Variants in TMCC3 observed in about 807,000 individuals in gnomAD.
TMCC3 encodes the protein transmembrane and coiled-coil domain protein 3.
In TMCC3, 28 loss-of-function variants were observed where a neutral mutation model predicts 40.2. The observed-to-expected ratio is 0.70, with a 90% CI of 0.52 to 0.95. TMCC3 has a LOEUF of 0.95. Among genes scored for constraint, TMCC3 ranks in the 40% least tolerant of loss-of-function variants. TMCC3 has a pLI of 0.00. For synonymous variants in TMCC3, 255 were observed against 248.5 expected (o/e 1.03, Z -0.25); for missense variants, 554 against 615.2 (o/e 0.90, Z 1.05).
At chr12:94,635,973 A>C (rs2068958960) in intron 1 of TMCC3, among the ~76,000 whole-genome samples, 1 of 151,914 alleles carries the variant, frequency 6.6e-6, no homozygotes, top group Admixed American at 6.6e-5. Flanking sequence ...CTGGCCTCAA[A>C]ATGTTCATTT....
At chr12:94,624,415 A>G (rs2068891734) in intron 1 of TMCC3, among the ~76,000 whole-genome samples, 1 of 152,224 alleles carries the variant, frequency 6.6e-6, no homozygotes, top group Admixed American at 6.5e-5. Flanking sequence ...CATACAATGA[A>G]ATATTATTCA....
intron 3 of TMCC3, among the ~76,000 whole-genome samples, chr12:94,572,541 C>A (rs2068538818): frequency 6.6e-6 from 1 of 150,396 alleles, no homozygotes; most frequent in African/African-American, 2.5e-5. Context: ...AAACTCCTGA[C>A]CTCAAGTGAT....
chr12:94,635,649 T>G (rs887098721), intron 1 of TMCC3, among the ~76,000 whole-genome samples: 8 of 149,920 alleles, frequency 5.3e-5, no homozygotes, highest in Non-Finnish European at 3.0e-5. Context: ...TGTTTTTGTG[T>G]GTGTATGTGG....
At position 94,575,406 on chromosome 12, in the gene TMCC3, G is replaced by C. The variant is rs957918318; in HGVS notation, c.1131+2988C>G. 2.0e-5 allele frequency among the ~76,000 whole-genome samples: 3 copies of C among 152,108 alleles called. No individual in the cohort carries two copies. In the South Asian group the frequency reaches 6.2e-4, roughly 32 times the overall value. Reference sequence around the variant, plus strand: ...TCTTCCTTGACAACCTTTTGAGGTAGAGCTCATTAATATTTCCATTTTATT... The same window carrying C: ...TCTTCCTTGACAACCTTTTGAGGTACAGCTCATTAATATTTCCATTTTATT... On this transcript the variant is annotated intron_variant, in intron 3 of 3. Transcript: ENST00000261226.
intron 1 of TMCC3, among the ~76,000 whole-genome samples, chr12:94,582,996 A>ATTTTTTTT (rs1566316435): frequency 3.2e-4 from 7 of 22,092 alleles, no homozygotes; most frequent in African/African-American, 1.6e-3. Context: ...TTTTTTTTTA[A>ATTTTTTTT]AAAAGAAAGA....
chr12:94,609,643 T>C (rs997117126), intron 1 of TMCC3: 1 of 152,196 alleles, frequency 6.6e-6, no homozygotes, highest in Non-Finnish European at 1.5e-5. Flanking sequence ...TCAGGTAAGA[T>C]AACTTCAGTA....
In TMCC3 at chr12:94,568,630, T is replaced by C. The variant is rs1479523736; in HGVS notation, c.*2805A>G. 2.0e-5 allele frequency: 3 copies of C among 152,194 alleles called. No homozygotes were observed. Among genetic ancestry groups the C allele is most frequent in the Non-Finnish European group, 2.9e-5 (2 of 68,028 alleles). 9.4% of individuals were successfully genotyped at this position (152,194 alleles called of 1,614,324 possible). ...AAATGTCATTTAATCTCCTTACACA[T>C]TGAAGAGAACAAACAGTGGGAGTGT... is the stretch of plus-strand genomic sequence containing the variant. On this transcript the variant is annotated 3_prime_UTR_variant, in exon 4 of 4. Transcript: ENST00000261226.
intron 1 of TMCC3, among the ~76,000 whole-genome samples, chr12:94,621,378 G>C (rs1404463905): frequency 6.6e-6 from 1 of 152,166 alleles, no homozygotes; most frequent in African/African-American, 2.4e-5. Context: ...ACAGCTTCAG[G>C]CAATCTCAGG....
intron 1 of TMCC3, among the ~76,000 whole-genome samples, chr12:94,625,471 G>A (rs534895198): frequency 9.2e-5 from 14 of 151,656 alleles, no homozygotes; most frequent in African/African-American, 3.4e-4. Flanking sequence ...GTGCACGCTT[G>A]TAGTCCCAAA....
chr12:94,631,513 C>G (rs2068933417), intron 1 of TMCC3, among the ~76,000 whole-genome samples: 1 of 151,876 alleles, frequency 6.6e-6, no homozygotes, highest in African/African-American at 2.4e-5. Flanking sequence ...CCTACAAGCC[C>G]AGGAGGGAGG....
At chr12:94,625,267 A>C (rs1305628927) in intron 1 of TMCC3, among the ~76,000 whole-genome samples, 1 of 151,116 alleles carries the variant, frequency 6.6e-6, no homozygotes, top group African/African-American at 2.4e-5. Context: ...TTGGTGGGGG[A>C]CACAGGTCAA....
intron 1 of TMCC3, among the ~76,000 whole-genome samples, chr12:94,630,236 T>C (rs375707482): frequency 1.1e-4 from 16 of 140,562 alleles, no homozygotes; most frequent in Admixed American, 8.1e-4. Flanking sequence ...GCCTGGGTGA[T>C]AGAGAGCAAG....
chr12:94,619,863 A>G (rs1423554507), intron 1 of TMCC3, among the ~76,000 whole-genome samples: 1 of 152,250 alleles, frequency 6.6e-6, no homozygotes, highest in Non-Finnish European at 1.5e-5. Flanking sequence ...GTAAAGACAC[A>G]TAAGAAACAT....
At chr12:94,646,431 C>CTTTTTTT (rs34398994) in intron 1 of TMCC3, among the ~76,000 whole-genome samples, 14 of 90,716 alleles carry the variant, frequency 1.5e-4, no homozygotes, top group East Asian at 3.2e-4. Flanking sequence ...AAGCACACAC[C>CTTTTTTT]TTTTTTTTTT....
chr12:94,583,358 G>T (rs2068618930), intron 1 of TMCC3, among the ~76,000 whole-genome samples: 1 of 151,986 alleles, frequency 6.6e-6, no homozygotes. Context: ...TACAAAATTA[G>T]TTGGGCATGG....
chr12:94,650,090 A>T (rs1221197513), intron 1 of TMCC3, among the ~76,000 whole-genome samples: 1 of 152,000 alleles, frequency 6.6e-6, no homozygotes, highest in Admixed American at 6.5e-5. Flanking sequence ...GCCGTCGGGG[A>T]ACCGGGCGTC....
At chr12:94,589,459 C>T (rs1013691027) in intron 1 of TMCC3, among the ~76,000 whole-genome samples, 2 of 152,194 alleles carry the variant, frequency 1.3e-5, no homozygotes, top group Non-Finnish European at 2.9e-5. Flanking sequence ...ACTGACCCTA[C>T]CTAACTTCTA....
In TMCC3 at chr12:94,635,660, GTTTTT is replaced by G. The variant is rs63480462; in HGVS notation, c.78+14688_78+14692del. ...TGCCTGTTTTTGTGTGTGTATGTGGGTTTTTTTTTTTTTTTTTTTTTTTGAGACGG... is the reference window on the plus strand; with the variant it reads ...TGCCTGTTTTTGTGTGTGTATGTGGGTTTTTTTTTTTTTTTTTTGAGACGG... On this transcript the variant is annotated intron_variant, in intron 1 of 3. Transcript: ENST00000261226. 8.1e-3 allele frequency among the ~76,000 whole-genome samples: 720 copies of G among 89,296 alleles called. 7 individuals carry two copies. The highest frequency in any genetic ancestry group is 0.03 in the African/African-American group (690 of 22,674). The allele number at this position is 89,296 out of a possible 152,430, so 58.6% of individuals were successfully genotyped here. A position where few individuals can be genotyped will look rare whatever the true frequency, so the allele number is the denominator to read the frequency against.
chr12:94,610,611 C>G (rs192881859), intron 1 of TMCC3, among the ~76,000 whole-genome samples: 3 of 152,258 alleles, frequency 2.0e-5, no homozygotes, highest in Admixed American at 2.0e-4. Flanking sequence ...CTGCAAACAG[C>G]ATAGACATCC....
Sources: allele counts gnomAD v4.1 joint callset (sites outside exome capture counted in the v4.1 genomes callset), GRCh38; gene constraint gnomAD v4.1.1; transcripts MANE v1.5; gene names NCBI Gene and HGNC (gene_info 2026-07-23, HGNC 2026-07-21).